The following TRPM3 variants were observed in gnomAD, a reference collection of about 807,000 sequenced individuals.
TRPM3 encodes the protein transient receptor potential cation channel subfamily M member 3.
A neutral mutation model predicts 181.2 loss-of-function variants in TRPM3; 77 were observed. The observed-to-expected ratio is 0.42, with a 90% confidence interval of 0.35 to 0.51. The LOEUF is 0.51. Ranked by LOEUF, TRPM3 falls within the 20% of genes least tolerant of loss-of-function variation. The probability of loss-of-function intolerance (pLI) is 0.01; values close to 1 mark genes in which losing one functional copy is unlikely to be tolerated. For synonymous variants in TRPM3, 745 were observed against 796.4 expected (o/e 0.94, Z 1.09); for missense variants, 1,759 against 2,196.7 (o/e 0.80, Z 3.98).
intron 1 of TRPM3, among the ~76,000 whole-genome samples, chr9:71,166,614 C>G (rs142201273): frequency 9.1e-4 from 139 of 152,166 alleles, no homozygotes; most frequent in African/African-American, 3.3e-3. Flanking sequence ...GAAGGAAATT[C>G]AACATGGAAA....
At chr9:71,146,198 A>G (rs2075397534) in intron 1 of TRPM3, among the ~76,000 whole-genome samples, 1 of 152,162 alleles carries the variant, frequency 6.6e-6, no homozygotes, top group African/African-American at 2.4e-5. Context: ...TAATGTGGGT[A>G]CACAATGACA....
intron 9 of TRPM3, among the ~76,000 whole-genome samples, chr9:70,647,198 A>G (rs2058999454): frequency 6.6e-6 from 1 of 152,192 alleles, no homozygotes; most frequent in African/African-American, 2.4e-5. Flanking sequence ...TTATGAGGTC[A>G]GCATCATTCA....
At chr9:70,814,782 C>T (rs1217425990) in intron 6 of TRPM3, among the ~76,000 whole-genome samples, 3 of 151,906 alleles carry the variant, frequency 2.0e-5, no homozygotes. Flanking sequence ...ATATCCATAC[C>T]CTTGAGGGAG....
intron 1 of TRPM3, among the ~76,000 whole-genome samples, chr9:70,993,798 AAAAAAAAGAAAG>A (rs1218264586): frequency 7.8e-6 from 1 of 128,368 alleles, no homozygotes; most frequent in African/African-American, 2.7e-5. Flanking sequence ...AAAAAAAAAA[AAAAAAAAGAAAG>A]AAAGAAAGAA....
At chr9:70,751,721 T>G (rs1219583414) in intron 8 of TRPM3, among the ~76,000 whole-genome samples, 1 of 151,998 alleles carries the variant, frequency 6.6e-6, no homozygotes, top group Non-Finnish European at 1.5e-5. Flanking sequence ...GTTCAAGAAA[T>G]GTACATTTTC....
At chr9:70,554,743 G>T (rs982495276) in intron 22 of TRPM3, among the ~76,000 whole-genome samples, 1 of 152,176 alleles carries the variant, frequency 6.6e-6, no homozygotes, top group Non-Finnish European at 1.5e-5. Context: ...GGCCCAAAAT[G>T]CATCTTCTCA....
At chr9:71,408,710 C>T (rs1170272555) in intron 1 of TRPM3, among the ~76,000 whole-genome samples, 7 of 152,108 alleles carry the variant, frequency 4.6e-5, no homozygotes, top group Non-Finnish European at 1.0e-4. Flanking sequence ...ACTTCCCCAA[C>T]CTAGCAAGGC....
chr9:70,968,176 C>T (rs1005132916), intron 1 of TRPM3, among the ~76,000 whole-genome samples: 12 of 152,092 alleles, frequency 7.9e-5, no homozygotes, highest in African/African-American at 2.9e-4. Context: ...TACTATGCAA[C>T]CCTCATTGAG....
chr9:71,278,483 A>G (rs2084398912), intron 1 of TRPM3, among the ~76,000 whole-genome samples: 1 of 152,262 alleles, frequency 6.6e-6, no homozygotes, highest in Non-Finnish European at 1.5e-5. Flanking sequence ...GTTAGAAGGG[A>G]GTCTAATACT....
chr9:71,338,252 G>C (rs1021780507), intron 1 of TRPM3, among the ~76,000 whole-genome samples: 1 of 152,152 alleles, frequency 6.6e-6, no homozygotes, highest in Admixed American at 6.6e-5. Context: ...GCGCAAGCCT[G>C]ATTTAGCTCT....
chr9:70,535,880 A>C lies in TRPM3; in HGVS notation c.*73T>G. ...AATAAAGCAGGTATGATTCAAGGAA[A>C]GGGGAAAAACTGGAGTTGGAGAGAA... On this transcript the variant is annotated 3_prime_UTR_variant, in exon 26 of 26. Coordinates refer to ENST00000677713, the MANE Select transcript of TRPM3 (RefSeq NM_001366145.2). The C allele has an allele frequency of 6.6e-7, 1 of 1,523,022 alleles. No individual in the cohort carries two copies. The highest frequency in any genetic ancestry group is 1.3e-5 in the South Asian group (1 of 75,160). 94.3% of individuals were successfully genotyped at this position (1,523,022 alleles called of 1,614,324 possible). A position where few individuals can be genotyped will look rare whatever the true frequency, so the allele number is the denominator to read the frequency against.
chr9:70,650,037 C>T (rs1216937139), intron 9 of TRPM3, among the ~76,000 whole-genome samples: 1 of 152,152 alleles, frequency 6.6e-6, no homozygotes, highest in Non-Finnish European at 1.5e-5. Context: ...GGCCATTATT[C>T]TAAGCAAATT....
At chr9:71,401,449 C>G (rs970950957) in intron 1 of TRPM3, among the ~76,000 whole-genome samples, 1 of 152,002 alleles carries the variant, frequency 6.6e-6, no homozygotes, top group African/African-American at 2.4e-5. Context: ...GCCCAGAGGA[C>G]AGTAAATAAA....
chr9:70,869,137 A>G lies in TRPM3; in HGVS notation c.178-4626T>C, dbSNP rs372521749. On this transcript the variant is annotated intron_variant, in intron 1 of 25. Transcript: ENST00000677713. ...AGTCACTTGTTCGGCTCTTCCCCCAAGAGACGTTTCAAGTAAGCAATGAAC... is the reference window on the plus strand; with the variant it reads ...AGTCACTTGTTCGGCTCTTCCCCCAGGAGACGTTTCAAGTAAGCAATGAAC... The G allele has an allele frequency of 5.2e-5, 44 of 840,868 alleles. No homozygotes were observed. In the Middle Eastern group the frequency reaches 4.2e-3, roughly 81 times the overall value. 52.1% of individuals were successfully genotyped at this position (840,868 alleles called of 1,614,324 possible). A position where few individuals can be genotyped will look rare whatever the true frequency, so the allele number is the denominator to read the frequency against.
intron 18 of TRPM3, among the ~76,000 whole-genome samples, chr9:70,612,299 A>G (rs898047680): frequency 6.6e-6 from 1 of 152,238 alleles, no homozygotes; most frequent in African/African-American, 2.4e-5. Flanking sequence ...TTTTTATTAC[A>G]TGTGAAGACA....
At chr9:71,194,403 C>T (rs2078217612) in intron 1 of TRPM3, among the ~76,000 whole-genome samples, 1 of 151,844 alleles carries the variant, frequency 6.6e-6, no homozygotes, top group Admixed American at 6.6e-5. Context: ...CAGGTGTGGC[C>T]CTGTTGCTGA....
At chr9:70,767,028 C>T (rs1390247183) in intron 7 of TRPM3, among the ~76,000 whole-genome samples, 1 of 152,326 alleles carries the variant, frequency 6.6e-6, no homozygotes, top group East Asian at 1.9e-4. Flanking sequence ...ATGCATTATT[C>T]AGAGAGTCCT....
At chr9:71,343,155 G>A (rs896699110) in intron 1 of TRPM3, among the ~76,000 whole-genome samples, 3 of 151,932 alleles carry the variant, frequency 2.0e-5, no homozygotes, top group Admixed American at 1.3e-4. Flanking sequence ...ACTTCCTTTA[G>A]TATATTTTTT....
chr9:70,555,205 C>T (rs1350416995), intron 22 of TRPM3, among the ~76,000 whole-genome samples: 1 of 152,208 alleles, frequency 6.6e-6, no homozygotes, highest in Non-Finnish European at 1.5e-5. Flanking sequence ...CATGCTTCAC[C>T]TGGGTGCATC....
Sources: gnomAD v4.1 joint callset for allele counts (sites outside exome capture counted in the v4.1 genomes callset) on GRCh38, gnomAD v4.1.1 for gene constraint, MANE v1.5 for transcripts, NCBI Gene and HGNC (gene_info 2026-07-23, HGNC 2026-07-21) for gene names.